MYO15B: variants seen among roughly 807,000 people sequenced by gnomAD.
MYO15B encodes myosin XVB pseudogene.
A neutral mutation model predicts 119.3 loss-of-function variants in MYO15B; 207 were observed. The ratio of observed to expected loss-of-function variants is 1.73; its 90% CI spans 1.55 to 1.95. The LOEUF is 1.95. MYO15B is among the 30% of genes most tolerant of loss of function. MYO15B has a pLI of 0.00. For synonymous variants in MYO15B, 966 were observed against 498.9 expected, an observed-to-expected ratio of 1.94 and a Z score of -12.48; for missense variants, 2,264 against 1,203.1, an observed-to-expected ratio of 1.88 and a Z score of -13.04.
At chr17:75,605,117 A>G (rs2057542431) in intron 19 of MYO15B, among the ~76,000 whole-genome samples, 1 of 150,716 alleles carries the variant, frequency 6.6e-6, no homozygotes, top group African/African-American at 2.4e-5. Flanking sequence ...AGCCTGGACA[A>G]TGAGAATGAA....
intron 24 of MYO15B, 59 bp from the exon 25 acceptor site, chr17:75,611,827 C>T (rs1230690076): frequency 1.4e-6 from 1 of 698,500 alleles, no homozygotes; most frequent in South Asian, 1.5e-5. Context: ...TGGAGGTGGT[C>T]CCAGGGCCAG....
At chr17:75,615,980 G>C (rs1252996516) in intron 36 of MYO15B, 89 bp from the exon 37 acceptor site, 6 of 597,414 alleles carry the variant, frequency 1.0e-5, no homozygotes, top group Non-Finnish European at 1.8e-5. Context: ...ACAGGGAAGA[G>C]GCTGCTGGCC....
rs57940206 is a variant in MYO15B, at chr17:75,614,856, C to T, written c.5559+7C>T. 4,383 of 702,814 alleles carry T rather than the reference C, an allele frequency of 6.2e-3. 128 individuals carry two copies. The African/African-American group carries it at 0.063, about 10-fold the overall frequency. 43.5% of individuals were successfully genotyped at this position (702,814 alleles called of 1,614,324 possible). The stretch of plus-strand genomic sequence containing the variant: ...GATATCCTCCGGCCTCAGCGTGAGT[C>T]GGGCACAGCCCCCAAATGCCCCTGC... On this transcript the variant is annotated splice_region_variant and intron_variant, in intron 32 of 63. Transcript: ENST00000645453.
At chr17:75,623,908 G>T (rs949895329) in intron 54 of MYO15B, 41 bp from the exon 55 acceptor site, 1 of 702,764 alleles carries the variant, frequency 1.4e-6, no homozygotes, top group African/African-American at 1.7e-5. Flanking sequence ...GCTGGGCACT[G>T]TGGCCTGGCC....
chr17:75,621,282 G>C, intron 50 of MYO15B, 63 bp from the exon 51 acceptor site: 1 of 667,368 alleles, frequency 1.5e-6, no homozygotes, highest in Admixed American at 2.1e-5. Context: ...CTCCCTGCCT[G>C]GCTGGCTGGG....
chr17:75,599,442 T>C (rs910679336), intron 14 of MYO15B, among the ~76,000 whole-genome samples: 1 of 147,740 alleles, frequency 6.8e-6, no homozygotes, highest in African/African-American at 2.6e-5. Flanking sequence ...GCTTGGCTAA[T>C]TTTTTTTTCT....
rs970889890 is a variant in MYO15B, at chr17:75,589,900, C to T, written c.1843C>T (p.Leu615Phe). The T allele has an allele frequency of 2.8e-5, 11 of 398,542 alleles. No homozygotes were observed. Among genetic ancestry groups the T allele is most frequent in the Admixed American group, 1.8e-4 (4 of 22,720 alleles). 24.7% of individuals were successfully genotyped at this position (398,542 alleles called of 1,614,324 possible). ...CCCGACTGCACCCGACGGGCCTTCC[C>T]TCGACGAGAGCGGCTCCAGCAGTGA... is the stretch of plus-strand genomic sequence containing the variant. Residue 615 changes from leucine (L) to phenylalanine (F), a missense_variant, in exon 1 of 64, where the codon CTC becomes TTC. Transcript: ENST00000645453. This position sits in a 1 kb window ranked among gnomAD's most constrained non-coding sequence, Gnocchi z 4.2.
chr17:75,594,370 C>T (rs1233495937), intron 9 of MYO15B, 105 bp from the exon 10 acceptor site: 8 of 560,258 alleles, frequency 1.4e-5, no homozygotes, highest in Non-Finnish European at 2.5e-5. Flanking sequence ...ACATATCTCC[C>T]CTTTGGTGAC....
At chr17:75,601,368 C>T (rs921268993) in intron 14 of MYO15B, 70 bp from the exon 15 acceptor site, 26 of 686,872 alleles carry the variant, frequency 3.8e-5, no homozygotes, top group African/African-American at 3.0e-4. Flanking sequence ...TCGTGCTCAC[C>T]GGGAGAGGGC....
chr17:75,610,635 G>A (rs1007666009), intron 22 of MYO15B: 1 of 558,334 alleles, frequency 1.8e-6, no homozygotes, highest in African/African-American at 1.9e-5. Flanking sequence ...GCCCCTCCCT[G>A]GCTGGACTTT....
intron 49 of MYO15B, 171 bp from the exon 50 acceptor site, chr17:75,620,860 G>A (rs1359029620): frequency 2.8e-6 from 2 of 701,888 alleles, no homozygotes; most frequent in Non-Finnish European, 5.2e-6. Context: ...TGTGTCCCAC[G>A]TGGTACTTAG....
At chr17:75,612,739 G>A (rs925356320) in intron 25 of MYO15B, 59 bp from the exon 26 acceptor site, 1 of 699,590 alleles carries the variant, frequency 1.4e-6, no homozygotes, top group South Asian at 1.5e-5. Context: ...CTCCGGTGGG[G>A]CTCCCCTGGG....
intron 7 of MYO15B, 24 bp from the exon 8 acceptor site, chr17:75,592,404 C>T (rs1231267218): frequency 1.5e-6 from 1 of 662,814 alleles, no homozygotes; most frequent in Non-Finnish European, 2.7e-6. Context: ...GGCACTGAGC[C>T]CCTAAGCCAG....
exon 1 of MYO15B, chr17:75,588,332 A>C (rs1598668633): frequency 5.0e-6 from 2 of 398,456 alleles, no homozygotes; most frequent in East Asian, 7.1e-5. Context: ...CAGGAGAGGC[A>C]AAGCAACGCG....
rs200105055 is a variant in MYO15B, at chr17:75,597,937, AC to A, written c.3525+1039del. ...TTTCAAACTAATTAATTATAAAAAA[AC>A]AAACCAAAAACGCAGAGCCAAATAC... On this transcript the variant is annotated intron_variant, in intron 14 of 63. Coordinates refer to ENST00000645453, the Ensembl canonical transcript of MYO15B. Among the ~76,000 whole-genome samples, 74 of 152,088 alleles carry A rather than the reference AC, an allele frequency of 4.9e-4. 1 individual carries two copies. The East Asian group carries it at 0.01, about 22-fold the overall frequency.
chr17:75,594,836 A>C lies in MYO15B; in HGVS notation c.3165-4A>C. 1 of 702,998 alleles carries C rather than the reference A, an allele frequency of 1.4e-6. No homozygotes were observed. Among genetic ancestry groups the C allele is most frequent in the Non-Finnish European group, 2.6e-6 (1 of 384,958 alleles). 43.5% of individuals were successfully genotyped at this position (702,998 alleles called of 1,614,324 possible). A position where few individuals can be genotyped will look rare whatever the true frequency, so the allele number is the denominator to read the frequency against. ...TGTGGCTCACCCACCCGCCATGCCTACAGGGACGCCCTGGCCAAGGCACTG... is the reference window on the plus strand; with the variant it reads ...TGTGGCTCACCCACCCGCCATGCCTCCAGGGACGCCCTGGCCAAGGCACTG... On this transcript the variant is annotated splice_polypyrimidine_tract_variant and splice_region_variant and intron_variant, in intron 11 of 63. Transcript: ENST00000645453.
In MYO15B at chr17:75,602,456, C is replaced by T. The variant is rs569063828; in HGVS notation, c.3652-61C>T. On this transcript the variant is annotated intron_variant, in intron 15 of 63. Transcript: ENST00000645453. The stretch of plus-strand genomic sequence containing the variant: ...TTCTCCTCCATATCCAGCCTCCCCT[C>T]CTTGGTTCCTGTTCTCCTCCCTTTC... 6 of 702,914 alleles carry T rather than the reference C, an allele frequency of 8.5e-6. No individual in the cohort carries two copies. In the Admixed American group the frequency reaches 1.2e-4, roughly 14 times the overall value. The allele number at this position is 702,914 out of a possible 1,614,324, so 43.5% of individuals were successfully genotyped here.
Position 75,615,113 on chromosome 17 carries a change from C to CT in MYO15B, c.5641+72dup, listed in dbSNP as rs531862154. ...GCATGGCAGGCATGGCCTGGGACCC[C>CT]TCTGGCAGTGGCGATCGATGCCCTG... On this transcript the variant is annotated intron_variant, in intron 33 of 63. Transcript: ENST00000645453. 3.1e-4 allele frequency: 214 copies of CT among 684,954 alleles called. No homozygotes were observed. In the African/African-American group the frequency reaches 3.1e-3, roughly 10 times the overall value. 42.4% of individuals were successfully genotyped at this position (684,954 alleles called of 1,614,324 possible). A position where few individuals can be genotyped will look rare whatever the true frequency, so the allele number is the denominator to read the frequency against.
intron 23 of MYO15B, 111 bp from the exon 24 acceptor site, chr17:75,611,488 AAT>A: frequency 1.6e-6 from 1 of 627,244 alleles, no homozygotes. Context: ...AAAAAAAAAA[AAT>A]CCGTGGTCTT....
Sources: gnomAD v4.1 joint callset for allele counts (sites outside exome capture counted in the v4.1 genomes callset) on GRCh38, gnomAD v4.1.1 for gene constraint, Gnocchi (gnomAD v3.1) non-coding constraint, MANE v1.5 for transcripts, NCBI Gene and HGNC (gene_info 2026-07-23, HGNC 2026-07-21) for gene names.